STUM: variants seen among roughly 807,000 people sequenced by gnomAD.
STUM encodes protein stum homolog.
Under a neutral mutation model 15.3 loss-of-function variants are expected in STUM, and 8 were observed. The ratio of observed to expected loss-of-function variants is 0.52; its 90% CI spans 0.31 to 0.94. The LOEUF is 0.94. STUM is among the 40% of genes least tolerant of loss of function. The pLI, the probability that STUM is intolerant of heterozygous loss-of-function variation, is 0.05. For missense variants in STUM, 142 were observed against 204.9 expected (o/e 0.69, Z 1.87); for synonymous variants, 78 against 88.7 (o/e 0.88, Z 0.68).
chr1:226,595,880 C>T (rs751791150), intron 1 of STUM, among the ~76,000 whole-genome samples: 20 of 152,244 alleles, frequency 1.3e-4, no homozygotes, highest in Non-Finnish European at 2.1e-4. Context: ...CCATTGCAGA[C>T]TCTTCTAACC....
chr1:226,579,312 G>A (rs1457028020), intron 1 of STUM, among the ~76,000 whole-genome samples: 2 of 152,242 alleles, frequency 1.3e-5, no homozygotes, highest in Non-Finnish European at 2.9e-5. Context: ...AGTCCATCAC[G>A]ATAAGGGATG....
At chr1:226,578,841 AC>A (rs1245395669) in intron 1 of STUM, among the ~76,000 whole-genome samples, 4 of 152,154 alleles carry the variant, frequency 2.6e-5, no homozygotes, top group Non-Finnish European at 5.9e-5. Flanking sequence ...TGCCCCTCAC[AC>A]CCCAGGGTTT....
chr1:226,567,606 G>A lies in STUM; in HGVS notation c.202+18500G>A, dbSNP rs988938359. Among the ~76,000 whole-genome samples, 1 of 152,174 alleles carries A rather than the reference G, an allele frequency of 6.6e-6. No individual in the cohort carries two copies. Among genetic ancestry groups the A allele is most frequent in the Non-Finnish European group, 1.5e-5 (1 of 68,040 alleles). On this transcript the variant is annotated intron_variant, in intron 1 of 3. Coordinates refer to ENST00000366788, the MANE Select transcript of STUM (RefSeq NM_001003665.4). The surrounding 1 kb of genome is among the most constrained non-coding windows in gnomAD (Gnocchi z 4.5). ...GTAAACTTTATTTCCCAGAGAATGAGCTATACAAAGAGATCGAGGGAGGAG... is the reference window on the plus strand; with the variant it reads ...GTAAACTTTATTTCCCAGAGAATGAACTATACAAAGAGATCGAGGGAGGAG...
At chr1:226,596,765 G>C (rs770437978) in intron 1 of STUM, 37 bp from the exon 2 acceptor site, 80 of 1,586,234 alleles carry the variant, frequency 5.0e-5, no homozygotes, top group Non-Finnish European at 6.7e-5. Context: ...TTGTCTCCCA[G>C]TGCCCTCAGA....
At chr1:226,576,765 T>A (rs1667822293) in intron 1 of STUM, among the ~76,000 whole-genome samples, 1 of 151,720 alleles carries the variant, frequency 6.6e-6, no homozygotes, top group Non-Finnish European at 1.5e-5. Flanking sequence ...ACCACCAGAG[T>A]ACAGGGCAGC....
At chr1:226,576,879 A>T (rs904160073) in intron 1 of STUM, among the ~76,000 whole-genome samples, 1 of 152,228 alleles carries the variant, frequency 6.6e-6, no homozygotes, top group Non-Finnish European at 1.5e-5. Flanking sequence ...CCCTTATGAA[A>T]GGCTTGCCAT....
intron 1 of STUM, among the ~76,000 whole-genome samples, chr1:226,594,729 A>G (rs896499666): frequency 4.3e-4 from 65 of 152,244 alleles, no homozygotes; most frequent in African/African-American, 1.5e-3. Flanking sequence ...ATCTTGGCTC[A>G]CTGCAACCTC....
chr1:226,583,229 G>A (rs1419486415), intron 1 of STUM, among the ~76,000 whole-genome samples: 2 of 151,892 alleles, frequency 1.3e-5, no homozygotes, highest in East Asian at 3.8e-4. Flanking sequence ...AATGGGAGGA[G>A]CAGCAAAGTC....
At chr1:226,591,748 C>T (rs497911) in intron 1 of STUM, among the ~76,000 whole-genome samples, 38,810 of 152,076 alleles carry the variant, frequency 0.26, 5,397 homozygotes, top group South Asian at 0.41. Context: ...ATTAGGCTTT[C>T]ATTAGTCAGC....
rs899939299 is a variant in STUM, at chr1:226,596,965, C to T, written c.366C>T (p.Asp122=). ...GWIMSIFWGM[D]MVILAISQGY... ...TCATGAGCATCTTCTGGGGCATGGA[C>T]ATGGTCATCCTTGCCAGTGAGTAGC... Residue 122 remains aspartate (D), a synonymous_variant, in exon 2 of 4, where the codon GAC becomes GAT. Transcript: ENST00000366788. The T allele has an allele frequency of 1.9e-6, 3 of 1,614,176 alleles. No homozygotes were observed. The highest frequency in any genetic ancestry group is 2.5e-6 in the Non-Finnish European group (3 of 1,179,988).
chr1:226,607,415 T>C lies in STUM; in HGVS notation c.*5375T>C, dbSNP rs1668380476. On this transcript the variant is annotated 3_prime_UTR_variant, in exon 4 of 4. Coordinates refer to ENST00000366788, the MANE Select transcript of STUM (RefSeq NM_001003665.4). The stretch of plus-strand genomic sequence containing the variant: ...GAGTGCTGTTATGACTGCCGGCGTC[T>C]CTCCGACTGCCTCTCGCCTCAGTTT... 1 of 152,182 alleles carries C rather than the reference T, an allele frequency of 6.6e-6. No individual in the cohort carries two copies. The highest frequency in any genetic ancestry group is 1.5e-5 in the Non-Finnish European group (1 of 68,038). The allele number at this position is 152,182 out of a possible 1,614,324, so 9.4% of individuals were successfully genotyped here. A position where few individuals can be genotyped will look rare whatever the true frequency, so the allele number is the denominator to read the frequency against.
chr1:226,567,201 C>T lies in STUM; in HGVS notation c.202+18095C>T, dbSNP rs983599853. 6.6e-6 allele frequency among the ~76,000 whole-genome samples: 1 copy of T among 152,170 alleles called. No individual in the cohort carries two copies. The highest frequency in any genetic ancestry group is 1.5e-5 in the Non-Finnish European group (1 of 68,016). ...AACAGTCCTGTCCAGGCCAGATTGA[C>T]CTGAAATCTCTTCCCGAGCCTTGCT... On this transcript the variant is annotated intron_variant, in intron 1 of 3. Coordinates refer to ENST00000366788, the MANE Select transcript of STUM (RefSeq NM_001003665.4). This position sits in a 1 kb window ranked among gnomAD's most constrained non-coding sequence, Gnocchi z 4.5.
chr1:226,550,636 T>C (rs981684635), intron 1 of STUM, among the ~76,000 whole-genome samples: 5 of 151,558 alleles, frequency 3.3e-5, no homozygotes, highest in Admixed American at 6.6e-5. Context: ...CGCCACCCTA[T>C]GGTCTTTTGA....
chr1:226,562,812 T>C (rs2102689718), intron 1 of STUM, among the ~76,000 whole-genome samples: 2 of 152,302 alleles, frequency 1.3e-5, no homozygotes, highest in South Asian at 4.1e-4. Context: ...AGAATCACAA[T>C]AGGACATTAT....
intron 1 of STUM, among the ~76,000 whole-genome samples, chr1:226,586,211 G>T (rs781463713): frequency 2.6e-5 from 4 of 152,312 alleles, no homozygotes; most frequent in Non-Finnish European, 4.4e-5. Context: ...CACGCCCAGT[G>T]TGTGTAGCCA....
intron 1 of STUM, among the ~76,000 whole-genome samples, chr1:226,587,590 T>C (rs1002275436): frequency 2.5e-4 from 38 of 152,082 alleles, no homozygotes; most frequent in Admixed American, 4.6e-4. Flanking sequence ...CCTTAGCATT[T>C]ACCCGAGACC....
chr1:226,581,783 G>A (rs565484861), intron 1 of STUM, among the ~76,000 whole-genome samples: 3 of 152,216 alleles, frequency 2.0e-5, no homozygotes, highest in East Asian at 1.9e-4. Flanking sequence ...GTGAAGGACC[G>A]CCATCCTCTT....
intron 1 of STUM, among the ~76,000 whole-genome samples, chr1:226,557,921 G>A (rs1172736004): frequency 6.6e-6 from 1 of 152,154 alleles, no homozygotes; most frequent in East Asian, 1.9e-4. Context: ...AAAAGCATTT[G>A]ACAAAATTCA....
At chr1:226,574,169 C>A (rs1268725615) in intron 1 of STUM, among the ~76,000 whole-genome samples, 1 of 152,142 alleles carries the variant, frequency 6.6e-6, no homozygotes, top group Non-Finnish European at 1.5e-5. Flanking sequence ...AGTCCATATG[C>A]CATATATTAG....
Sources: gnomAD v4.1 joint callset for allele counts (sites outside exome capture counted in the v4.1 genomes callset) on GRCh38, gnomAD v4.1.1 for gene constraint, Gnocchi (gnomAD v3.1) non-coding constraint, MANE v1.5 for transcripts, NCBI Gene and HGNC (gene_info 2026-07-23, HGNC 2026-07-21) for gene names.